The following ADAM9 variants were observed in gnomAD, a reference collection of about 807,000 sequenced individuals.
ADAM9 encodes the protein ADAM metallopeptidase domain 9.
A neutral mutation model predicts 108.1 loss-of-function variants in ADAM9; 54 were observed. The ratio of observed to expected loss-of-function variants is 0.50; its 90% CI spans 0.40 to 0.63. The LOEUF (loss-of-function observed/expected upper bound fraction) is 0.63. Ranked by LOEUF, ADAM9 falls within the 20% of genes least tolerant of loss-of-function variation. The pLI, the probability that ADAM9 is intolerant of heterozygous loss-of-function variation, is 0.00. For missense variants in ADAM9, 830 were observed against 997.7 expected, an observed-to-expected ratio of 0.83 and a Z score of 2.26; for synonymous variants, 316 against 336.0, an observed-to-expected ratio of 0.94 and a Z score of 0.65.
rs117234384 is a variant in ADAM9, at chr8:39,055,173, C to G, written c.1396-404C>G. The stretch of plus-strand genomic sequence containing the variant: ...CTGCTTATAAGAGAAATCACTGGTG[C>G]AGAATATTCATACTAAGTTTTTGAT... On this transcript the variant is annotated intron_variant, in intron 13 of 21. Coordinates refer to ENST00000487273, the MANE Select transcript of ADAM9 (RefSeq NM_003816.3). 9.9e-3 allele frequency among the ~76,000 whole-genome samples: 1,502 copies of G among 152,200 alleles called. 12 individuals are homozygous for G. The highest frequency in any genetic ancestry group is 0.014 in the Non-Finnish European group (958 of 67,976).
intron 7 of ADAM9, among the ~76,000 whole-genome samples, chr8:39,021,054 C>T (rs1278062703): frequency 3.9e-5 from 6 of 152,134 alleles, no homozygotes; most frequent in African/African-American, 1.4e-4. Flanking sequence ...ATAAAAGGAA[C>T]ATTAAGAAGA....
In ADAM9 at chr8:39,071,366, G is replaced by GGTTTCTCT. The variant is rs1382425592; in HGVS notation, c.1662_1669dup (p.Gly557ValfsTer54). 2 of 1,613,744 alleles carry GGTTTCTCT rather than the reference G, an allele frequency of 1.2e-6. No homozygotes were observed. ...TAAAGGTGACAGATTTGGCAATTGT[G>GGTTTCTCT]GTTTCTCTGGCAATGAATACAAGAA... is the stretch of plus-strand genomic sequence containing the variant. On this transcript the variant is annotated frameshift_variant, in exon 15 of 22. Transcript: ENST00000487273. LOFTEE classifies it high-confidence loss of function.
chr8:39,063,185 A>G (rs1838350769), intron 14 of ADAM9, among the ~76,000 whole-genome samples: 1 of 152,178 alleles, frequency 6.6e-6, no homozygotes, highest in African/African-American at 2.4e-5. Context: ...AGAAAACTCA[A>G]GTAGTCTTGG....
chr8:39,082,773 GAAATCTCAGGACTAGA>G lies in ADAM9; in HGVS notation c.1962+53_1962+68del, dbSNP rs72459173. On this transcript the variant is annotated intron_variant, in intron 17 of 21. Coordinates refer to ENST00000487273, the MANE Select transcript of ADAM9 (RefSeq NM_003816.3). ...TCCTGAAAGTAGTGCTAAATAATGA[GAAATCTCAGGACTAGA>G]TGAGAGTTCCCAGGATTTTCAGATG... 427,156 of 1,524,074 alleles carry G rather than the reference GAAATCTCAGGACTAGA, an allele frequency of 0.28. 60,419 individuals are homozygous for G. Among genetic ancestry groups the G allele is most frequent in the South Asian group, 0.32 (28,329 of 89,090 alleles). 94.4% of individuals were successfully genotyped at this position (1,524,074 alleles called of 1,614,324 possible). A position where few individuals can be genotyped will look rare whatever the true frequency, so the allele number is the denominator to read the frequency against.
chr8:39,102,845 T>C (rs1839743030), intron 21 of ADAM9, among the ~76,000 whole-genome samples: 1 of 152,210 alleles, frequency 6.6e-6, no homozygotes. Flanking sequence ...CTTAAAATCA[T>C]CAGGAAGGAA....
intron 21 of ADAM9, 26 bp from the exon 22 acceptor site, chr8:39,103,581 A>G (rs774294522): frequency 1.9e-6 from 3 of 1,602,692 alleles, no homozygotes; most frequent in East Asian, 2.2e-5. Context: ...TAAACACTCT[A>G]TTAACTATCT....
rs778001961 is a variant in ADAM9 at position 39,104,319 on chromosome 8, T to C, written c.*619T>C. The C allele has an allele frequency of 6.6e-6, 3 of 452,780 alleles. No homozygotes were observed. Among genetic ancestry groups the C allele is most frequent in the East Asian group, 1.4e-4 (2 of 14,380 alleles). 28.0% of individuals were successfully genotyped at this position (452,780 alleles called of 1,614,324 possible). The stretch of plus-strand genomic sequence containing the variant: ...GTACAAAATATACTAAAAGAGTGTG[T>C]GTGTATTCACGCAGTTACTCGCTTC... On this transcript the variant is annotated 3_prime_UTR_variant, in exon 22 of 22. Transcript: ENST00000487273.
chr8:39,044,512 C>T (rs1311376572), intron 12 of ADAM9, among the ~76,000 whole-genome samples: 1 of 151,914 alleles, frequency 6.6e-6, no homozygotes, highest in African/African-American at 2.4e-5. Context: ...TATATTGTAT[C>T]CTGGTGGGGA....
rs559887051 is a variant in ADAM9 at position 39,005,186 on chromosome 8, A to G, written c.98-2700A>G. ...GACTTCTTCAGGCTGAATAGGGGCA[A>G]TCATGTTCCTGCCTAACTATAGGGT... On this transcript the variant is annotated intron_variant, in intron 1 of 21. Coordinates refer to ENST00000487273, the MANE Select transcript of ADAM9 (RefSeq NM_003816.3). Among the ~76,000 whole-genome samples, 14 of 152,260 alleles carry G rather than the reference A, an allele frequency of 9.2e-5. 1 individual carries two copies. Among genetic ancestry groups the G allele is most frequent in the African/African-American group, 3.4e-4 (14 of 41,544 alleles).
chr8:38,997,161 G>A lies in ADAM9; in HGVS notation c.97+1G>A. The A allele has an allele frequency of 1.9e-6, 3 of 1,597,654 alleles. No homozygotes were observed. Among genetic ancestry groups the A allele is most frequent in the Non-Finnish European group, 2.5e-6 (3 of 1,178,302 alleles). On this transcript the variant is annotated splice_donor_variant, in intron 1 of 21. Coordinates refer to ENST00000487273, the MANE Select transcript of ADAM9 (RefSeq NM_003816.3). LOFTEE classifies it high-confidence loss of function. ...CCAGTCCTCGGTGCGGCGCGGCCAG[G>A]TGGGTGTCCGCGCCCCGGGTCGGTT...
chr8:39,069,869 T>A (rs1838620598), intron 14 of ADAM9, among the ~76,000 whole-genome samples: 1 of 152,126 alleles, frequency 6.6e-6, no homozygotes. Context: ...ATCTTTCACT[T>A]ATTTTTTGTG....
At chr8:39,098,791 T>A (rs1839589261) in intron 20 of ADAM9, among the ~76,000 whole-genome samples, 1 of 152,192 alleles carries the variant, frequency 6.6e-6, no homozygotes, top group Non-Finnish European at 1.5e-5. Flanking sequence ...CATTTCTTAG[T>A]GCCCTTGTGA....
chr8:39,023,053 G>T, intron 8 of ADAM9, 103 bp from the exon 9 acceptor site: 1 of 1,037,990 alleles, frequency 9.6e-7, no homozygotes, highest in Admixed American at 2.4e-5. Flanking sequence ...TTTTTTTTAG[G>T]CAGGGGAGTT....
At chr8:39,037,050 CTTTTTTTT>C (rs58876607) in intron 11 of ADAM9, among the ~76,000 whole-genome samples, 2 of 78,608 alleles carry the variant, frequency 2.5e-5, no homozygotes, top group Non-Finnish European at 4.5e-5. Context: ...TGCGCAAGTT[CTTTTTTTT>C]TTTTTTTTTT....
At chr8:39,014,084 C>A in intron 4 of ADAM9, 41 bp downstream of exon 4, 2 of 1,531,368 alleles carry the variant, frequency 1.3e-6, no homozygotes, top group Non-Finnish European at 1.8e-6. Context: ...AATTTTAAAA[C>A]AATTATAATT....
chr8:39,051,479 G>A (rs1837956393), intron 12 of ADAM9, among the ~76,000 whole-genome samples: 2 of 152,170 alleles, frequency 1.3e-5, no homozygotes, highest in South Asian at 4.1e-4. Context: ...TCCAATAAAA[G>A]TTAAAATGTA....
At chr8:39,057,389 A>G (rs1838160477) in intron 14 of ADAM9, among the ~76,000 whole-genome samples, 1 of 149,326 alleles carries the variant, frequency 6.7e-6, no homozygotes, top group Non-Finnish European at 1.5e-5. Context: ...AATATCTTAT[A>G]TATGTATTAC....
At position 38,997,006 on chromosome 8, in the gene ADAM9, G is replaced by T; in HGVS notation, c.-58G>T. ...GGCCCCGGCAGGGTTGGAAAATGAT[G>T]GAAGAGGCGGAGGTGGAGGCGACCG... On this transcript the variant is annotated 5_prime_UTR_variant, in exon 1 of 22. It removes an upstream start codon present in the reference 5' UTR. Coordinates refer to ENST00000487273, the MANE Select transcript of ADAM9 (RefSeq NM_003816.3). 1 of 1,579,590 alleles carries T rather than the reference G, an allele frequency of 6.3e-7. No individual in the cohort carries two copies.
At chr8:39,046,592 G>A (rs1359742894) in intron 12 of ADAM9, among the ~76,000 whole-genome samples, 1 of 151,926 alleles carries the variant, frequency 6.6e-6, no homozygotes, top group Admixed American at 6.6e-5. Context: ...TTTAGCTATG[G>A]GAATTTCATA....
Sources: allele counts gnomAD v4.1 joint callset (sites outside exome capture counted in the v4.1 genomes callset), GRCh38; gene constraint gnomAD v4.1.1; transcripts MANE v1.5; gene names NCBI Gene and HGNC (gene_info 2026-07-23, HGNC 2026-07-21).